Variants in ZBTB43 observed in about 807,000 individuals in gnomAD.
The protein encoded by ZBTB43 is zinc finger and BTB domain-containing protein 43.
Under a neutral mutation model 31.1 loss-of-function variants are expected in ZBTB43, and 6 were observed. That is an observed-to-expected ratio of 0.19 (90% CI 0.11 to 0.38). ZBTB43 has a LOEUF of 0.38. Among genes scored for constraint, ZBTB43 ranks in the 10% least tolerant of loss-of-function variants. ZBTB43 has a pLI of 1.00. For synonymous variants in ZBTB43, 212 were observed against 221.7 expected, an observed-to-expected ratio of 0.96 and a Z score of 0.39; for missense variants, 379 against 602.1, an observed-to-expected ratio of 0.63 and a Z score of 3.88.
In ZBTB43 at chr9:126,833,410, G is replaced by A. The variant is rs756524331; in HGVS notation, c.901G>A (p.Glu301Lys). 2 of 1,614,022 alleles carry A rather than the reference G, an allele frequency of 1.2e-6. No individual in the cohort carries two copies. Among genetic ancestry groups the A allele is most frequent in the Non-Finnish European group, 1.7e-6 (2 of 1,180,012 alleles). Residue 301 changes from glutamate to lysine, a missense_variant, in exon 3 of 3, where the codon GAG (glutamate) becomes AAG (lysine). By Grantham distance (56) the Glu-to-Lys change is moderately conservative (BLOSUM62 1). Coordinates refer to ENST00000373464, the MANE Select transcript of ZBTB43 (RefSeq NM_014007.4). The surrounding 1 kb of genome is among the most constrained non-coding windows in gnomAD (Gnocchi z 7.9). ...FHIGEKKVEA[E>K]FDEQADESNY... Reference sequence around the variant, plus strand: ...CATCGGGGAGAAGAAAGTGGAAGCTGAGTTTGATGAACAGGCTGATGAAAG... The same window carrying A: ...CATCGGGGAGAAGAAAGTGGAAGCTAAGTTTGATGAACAGGCTGATGAAAG...
At chr9:126,827,057 A>G (rs1437106106) in intron 2 of ZBTB43, among the ~76,000 whole-genome samples, 2 of 152,054 alleles carry the variant, frequency 1.3e-5, no homozygotes, top group Non-Finnish European at 2.9e-5. Flanking sequence ...CTCCTCTGGG[A>G]TTGCTTTTGT....
chr9:126,805,874 G>A (rs143481493), intron 1 of ZBTB43, among the ~76,000 whole-genome samples: 2 of 152,240 alleles, frequency 1.3e-5, no homozygotes, highest in East Asian at 3.9e-4. Flanking sequence ...GGTGGGGCAG[G>A]GCTGCCCAGA....
intron 2 of ZBTB43, among the ~76,000 whole-genome samples, chr9:126,819,141 A>G (rs111875630): frequency 0.017 from 2,634 of 152,268 alleles, 70 homozygotes; most frequent in Admixed American, 0.027. Flanking sequence ...GTATTTTTAA[A>G]AAGACTCAGT....
At chr9:126,826,053 G>T (rs1280260388) in intron 2 of ZBTB43, among the ~76,000 whole-genome samples, 1 of 135,712 alleles carries the variant, frequency 7.4e-6, no homozygotes, top group East Asian at 2.3e-4. Context: ...CGCTCTTGTT[G>T]CCCAGGCTGG....
chr9:126,831,002 C>T (rs2032751619), intron 2 of ZBTB43, among the ~76,000 whole-genome samples: 1 of 152,182 alleles, frequency 6.6e-6, no homozygotes, highest in Admixed American at 6.5e-5. Context: ...AAGAAGCATA[C>T]CTCACCTTGC....
At chr9:126,820,968 A>C (rs2032495767) in intron 2 of ZBTB43, among the ~76,000 whole-genome samples, 1 of 22,658 alleles carries the variant, frequency 4.4e-5, no homozygotes, top group African/African-American at 6.8e-5. Context: ...CCCCCATCTC[A>C]AAAAAAAAAA....
chr9:126,807,098 T>G (rs1453226919), intron 1 of ZBTB43, among the ~76,000 whole-genome samples: 1 of 152,234 alleles, frequency 6.6e-6, no homozygotes, highest in East Asian at 1.9e-4. Flanking sequence ...TCTATTTGCC[T>G]TTAAGGTAGT....
chr9:126,812,781 C>T (rs1380678045), intron 2 of ZBTB43, among the ~76,000 whole-genome samples: 1 of 152,064 alleles, frequency 6.6e-6, no homozygotes, highest in Non-Finnish European at 1.5e-5. Flanking sequence ...ATTATTGAGT[C>T]ATAAGAGTTC....
chr9:126,818,168 G>A (rs1395338639), intron 2 of ZBTB43, among the ~76,000 whole-genome samples: 2 of 147,078 alleles, frequency 1.4e-5, no homozygotes, highest in Non-Finnish European at 3.0e-5. Flanking sequence ...TGTCACCCAG[G>A]CTGGACTACA....
intron 2 of ZBTB43, among the ~76,000 whole-genome samples, chr9:126,821,400 C>CA (rs903344235): frequency 4.0e-5 from 6 of 151,494 alleles, no homozygotes; most frequent in Non-Finnish European, 5.9e-5. Context: ...AAAAGAAACA[C>CA]AAAAAAAATG....
intron 2 of ZBTB43, among the ~76,000 whole-genome samples, chr9:126,815,372 A>G (rs1457382108): frequency 6.8e-6 from 1 of 148,044 alleles, no homozygotes. Flanking sequence ...ATATATATAT[A>G]TAGTTTTCAT....
In ZBTB43 at chr9:126,833,941, G is replaced by A; in HGVS notation, c.*28G>A. On this transcript the variant is annotated 3_prime_UTR_variant, in exon 3 of 3. Coordinates refer to ENST00000373464, the MANE Select transcript of ZBTB43 (RefSeq NM_014007.4). The surrounding 1 kb of genome is among the most constrained non-coding windows in gnomAD (Gnocchi z 7.9). ...ATAGGATCTGGCCCTTGAGTGGCAT[G>A]CACAAAAATAAACTATGGTAATTAA... is the stretch of plus-strand genomic sequence containing the variant. The A allele has an allele frequency of 6.5e-7, 1 of 1,535,626 alleles. No individual in the cohort carries two copies. The highest frequency in any genetic ancestry group is 8.8e-7 in the Non-Finnish European group (1 of 1,133,824).
intron 2 of ZBTB43, among the ~76,000 whole-genome samples, chr9:126,809,374 G>GT (rs2032194095): frequency 6.6e-6 from 1 of 152,166 alleles, no homozygotes; most frequent in African/African-American, 2.4e-5. Flanking sequence ...GGGTATTGGT[G>GT]TTTTTGTACA....
chr9:126,812,452 C>T (rs568775835), intron 2 of ZBTB43, among the ~76,000 whole-genome samples: 4 of 152,246 alleles, frequency 2.6e-5, no homozygotes, highest in Admixed American at 6.5e-5. Context: ...GTTGAATTAA[C>T]GTGGTAACTC....
chr9:126,812,305 A>G (rs976806181), intron 2 of ZBTB43, among the ~76,000 whole-genome samples: 1 of 152,188 alleles, frequency 6.6e-6, no homozygotes, highest in African/African-American at 2.4e-5. Context: ...TTGTTTATCC[A>G]GTCATAAGTT....
intron 2 of ZBTB43, among the ~76,000 whole-genome samples, chr9:126,817,098 A>ATTT (rs2032402387): frequency 1.2e-5 from 1 of 81,306 alleles, no homozygotes; most frequent in African/African-American, 6.2e-5. Flanking sequence ...TTTCCACTGT[A>ATTT]TCTTTTTTTT....
At chr9:126,829,041 A>C (rs532681275) in intron 2 of ZBTB43, among the ~76,000 whole-genome samples, 1 of 152,358 alleles carries the variant, frequency 6.6e-6, no homozygotes, top group African/African-American at 2.4e-5. Context: ...TTTTCTTGTT[A>C]AATGATATCC....
intron 2 of ZBTB43, among the ~76,000 whole-genome samples, chr9:126,828,006 A>C (rs111569421): frequency 0.031 from 4,730 of 152,004 alleles, 242 homozygotes; most frequent in African/African-American, 0.11. Context: ...AACAAGAGTG[A>C]AACTCCGTCT....
intron 2 of ZBTB43, among the ~76,000 whole-genome samples, chr9:126,828,644 TA>T (rs2032699093): frequency 7.1e-6 from 1 of 140,642 alleles, no homozygotes; most frequent in Non-Finnish European, 1.5e-5. Context: ...ATAATAATAA[TA>T]ATAATAATAA....
Sources: gnomAD v4.1 joint callset for allele counts (sites outside exome capture counted in the v4.1 genomes callset) on GRCh38, gnomAD v4.1.1 for gene constraint, Gnocchi (gnomAD v3.1) non-coding constraint, MANE v1.5 for transcripts, NCBI Gene and HGNC (gene_info 2026-07-23, HGNC 2026-07-21) for gene names.